ZGPAT: variants seen among roughly 807,000 people sequenced by gnomAD.
The protein encoded by ZGPAT is zinc finger CCCH-type and G-patch domain containing, also known as zinc finger CCCH-type with G patch domain-containing protein.
In ZGPAT, 39 loss-of-function variants were observed where a neutral mutation model predicts 47.9. The observed-to-expected ratio is 0.81, with a 90% confidence interval of 0.63 to 1.06. ZGPAT has a LOEUF of 1.06. Among genes scored for constraint, ZGPAT ranks in the 50% least tolerant of loss-of-function variants. ZGPAT has a pLI of 0.00. For missense variants in ZGPAT, 717 were observed against 681.4 expected (o/e 1.05, Z -0.58); for synonymous variants, 348 against 292.9 (o/e 1.19, Z -1.92).
chr20:63,735,379 T>G lies in ZGPAT; in HGVS notation c.1212T>G (p.Gly404=), dbSNP rs1350075559. The change falls in exon 6 of 7, where the codon GGT becomes GGG. Residue 404 remains glycine (G), a synonymous_variant. Coordinates refer to ENST00000355969, the MANE Select transcript of ZGPAT (RefSeq NM_181485.3). The part of the protein sequence containing the change: ...VFDFLNEKLQ[G]QAPGALEAGA... Reference sequence around the variant, plus strand: ...ACTTCCTCAATGAAAAGCTGCAAGGTCAGGCTCCTGGGGCCCTAGAAGCCG... The same window carrying G: ...ACTTCCTCAATGAAAAGCTGCAAGGGCAGGCTCCTGGGGCCCTAGAAGCCG... 6.4e-7 allele frequency: 1 copy of G among 1,553,438 alleles called. No individual in the cohort carries two copies. The highest frequency in any genetic ancestry group is 8.7e-7 in the Non-Finnish European group (1 of 1,152,318).
Position 63,735,914 on chromosome 20 carries a change from T to G in ZGPAT, c.1531T>G (p.Phe511Val). ...KADTHKKMTE[F>V] ...AGACACCCACAAGAAGATGACTGAG[T>G]TCTAGAGACCCCACAAGCACTATGG... is the stretch of plus-strand genomic sequence containing the variant. Residue 511 changes from phenylalanine (F) to valine (V), a missense_variant, in exon 7 of 7, where the codon TTC (phenylalanine) becomes GTC (valine). Physicochemically the swap from Phe to Val is conservative, Grantham distance 50. Transcript: ENST00000355969. 2 of 1,611,680 alleles carry G rather than the reference T, an allele frequency of 1.2e-6. No individual in the cohort carries two copies. Among genetic ancestry groups the G allele is most frequent in the Non-Finnish European group, 1.7e-6 (2 of 1,179,278 alleles).
At chr20:63,714,147 CG>C (rs562579849) in intron 2 of ZGPAT, among the ~76,000 whole-genome samples, 2 of 151,682 alleles carry the variant, frequency 1.3e-5, no homozygotes, top group South Asian at 4.2e-4. Flanking sequence ...TAGAGCGGGC[CG>C]GGGGTGGTGG....
At chr20:63,727,059 A>G (rs925854077) in intron 2 of ZGPAT, among the ~76,000 whole-genome samples, 2 of 152,040 alleles carry the variant, frequency 1.3e-5, no homozygotes, top group African/African-American at 2.4e-5. Context: ...TGTACATTCT[A>G]TGGACTTTGA....
At chr20:63,721,835 G>A (rs2091790947) in intron 2 of ZGPAT, among the ~76,000 whole-genome samples, 1 of 152,076 alleles carries the variant, frequency 6.6e-6, no homozygotes, top group African/African-American at 2.4e-5. Context: ...GGCCAACATG[G>A]TGAAGCCCCG....
intron 2 of ZGPAT, among the ~76,000 whole-genome samples, chr20:63,714,482 CTTAGGTGGAAAACTTTTTTGTTCCTGATA>C (rs2091705707): frequency 3.4e-5 from 5 of 148,342 alleles, no homozygotes; most frequent in Admixed American, 3.4e-4. Context: ...TGTTCCTGAT[CTTAGGTGGAAAACTTTTTTGTTCCTGATA>C]TTAGGTGGAA....
chr20:63,712,152 CTT>C (rs1354223438), intron 2 of ZGPAT, among the ~76,000 whole-genome samples: 1 of 152,132 alleles, frequency 6.6e-6, no homozygotes, highest in Non-Finnish European at 1.5e-5. Flanking sequence ...AAATTTAGGT[CTT>C]TGATCCATTT....
chr20:63,716,279 C>T (rs1054189927), intron 2 of ZGPAT, among the ~76,000 whole-genome samples: 2 of 152,186 alleles, frequency 1.3e-5, no homozygotes, highest in Admixed American at 6.5e-5. Flanking sequence ...ATCCACCCGC[C>T]TCGGCCTCAC....
In ZGPAT at chr20:63,735,547, C is replaced by T. The variant is rs1418361007; in HGVS notation, c.1380C>T (p.Leu460=). The change falls in exon 6 of 7, where the codon CTC becomes CTT. Residue 460 remains leucine, a synonymous_variant. Coordinates refer to ENST00000355969, the MANE Select transcript of ZGPAT (RefSeq NM_181485.3). The part of the protein sequence containing the change: ...QRDIRSIQEA[L]ARNAGRHSVA... ...ACATCAGGAGCATCCAGGAGGCTCT[C>T]GCCCGCAACGCTGGCCGGTACGTGT... The T allele has an allele frequency of 8.6e-6, 13 of 1,515,164 alleles. No individual in the cohort carries two copies. The highest frequency in any genetic ancestry group is 1.4e-5 in the African/African-American group (1 of 71,670). 93.9% of individuals were successfully genotyped at this position (1,515,164 alleles called of 1,614,324 possible).
chr20:63,709,232 G>C, intron 2 of ZGPAT, 68 bp downstream of exon 2: 3 of 1,555,720 alleles, frequency 1.9e-6, no homozygotes, highest in Non-Finnish European at 1.8e-6. Flanking sequence ...GTCGGGTCAG[G>C]ATCGGCCCTC....
chr20:63,717,667 C>T (rs2091744989), intron 2 of ZGPAT, among the ~76,000 whole-genome samples: 2 of 152,130 alleles, frequency 1.3e-5, no homozygotes, highest in South Asian at 4.1e-4. Context: ...AGCTCCTGGA[C>T]TCAATCAGTC....
Position 63,733,312 on chromosome 20 carries a change from C to T in ZGPAT, c.678C>T (p.Ala226=). 6.2e-7 allele frequency: 1 copy of T among 1,613,300 alleles called. No homozygotes were observed. Among genetic ancestry groups the T allele is most frequent in the Non-Finnish European group, 8.5e-7 (1 of 1,179,930 alleles). The change falls in exon 3 of 7, where the codon GCC becomes GCT. Residue 226 remains alanine, a synonymous_variant. Transcript: ENST00000355969. ...TGCAGGCCGGCTCTGCGTGTCTGGC[C>T]AAGCACCAGGATGGCCTCTGGCACG... is the stretch of plus-strand genomic sequence containing the variant. The part of the protein sequence containing the change: ...SSLQAGSACL[A]KHQDGLWHAA...
chr20:63,721,992 GAC>G (rs1194947284), intron 2 of ZGPAT, among the ~76,000 whole-genome samples: 2 of 144,202 alleles, frequency 1.4e-5, no homozygotes, highest in Non-Finnish European at 1.5e-5. Context: ...CAGCCTGGGC[GAC>G]AGAGTGAGAC....
intron 2 of ZGPAT, among the ~76,000 whole-genome samples, chr20:63,717,104 A>G (rs749658263): frequency 4.6e-5 from 7 of 152,206 alleles, no homozygotes; most frequent in Admixed American, 1.3e-4. Context: ...GGCATGAGCC[A>G]CCACGCATGG....
At chr20:63,712,973 C>T (rs1036596493) in intron 2 of ZGPAT, among the ~76,000 whole-genome samples, 1 of 152,120 alleles carries the variant, frequency 6.6e-6, no homozygotes, top group African/African-American at 2.4e-5. Context: ...CATTTATTTA[C>T]GTCTTTAATT....
intron 4 of ZGPAT, 193 bp downstream of exon 4, chr20:63,733,932 G>A (rs1379267442): frequency 7.4e-6 from 5 of 672,062 alleles, no homozygotes; most frequent in Admixed American, 6.2e-5. Flanking sequence ...AAGGAGTGTG[G>A]GTGCAACAGC....
At chr20:63,734,887 C>A in intron 5 of ZGPAT, 63 bp downstream of exon 5, 1 of 1,503,944 alleles carries the variant, frequency 6.6e-7, no homozygotes, top group South Asian at 1.4e-5. Context: ...GTCCAGCAGC[C>A]ATCAGGTTCC....
intron 2 of ZGPAT, among the ~76,000 whole-genome samples, chr20:63,721,740 G>T (rs1225608395): frequency 6.6e-6 from 1 of 152,164 alleles, no homozygotes; most frequent in Non-Finnish European, 1.5e-5. Context: ...TTCAGGCCAG[G>T]CGCGGTGGCT....
At position 63,732,561 on chromosome 20, in the gene ZGPAT, CTG is replaced by C. The variant is rs532116289; in HGVS notation, c.585-656_585-655del. Among the ~76,000 whole-genome samples, 631 of 152,068 alleles carry C rather than the reference CTG, an allele frequency of 4.1e-3. 5 individuals are homozygous for C. Among genetic ancestry groups the C allele is most frequent in the African/African-American group, 0.014 (575 of 41,438 alleles). On this transcript the variant is annotated intron_variant, in intron 2 of 6. Transcript: ENST00000355969. Reference sequence around the variant, plus strand: ...TGCGTATATCCATGTATGACTGCATCTGTATTTGCATGAGTTCATGTGTGAGT... The same window carrying C: ...TGCGTATATCCATGTATGACTGCATCTATTTGCATGAGTTCATGTGTGAGT...
In ZGPAT at chr20:63,735,852, C is replaced by T. The variant is rs2091984896; in HGVS notation, c.1469C>T (p.Ala490Val). ...CAGCGCCAGCTGGGGCAGCTCCGGGCTCAGGAAGCCGGCCTGCAGCAGGAG... is the reference window on the plus strand; with the variant it reads ...CAGCGCCAGCTGGGGCAGCTCCGGGTTCAGGAAGCCGGCCTGCAGCAGGAG... ...GAQRQLGQLR[A>V]QEAGLQQEQR... The change falls in exon 7 of 7, where the codon GCT becomes GTT. Residue 490 changes from alanine to valine, a missense_variant. Physicochemically the swap from Ala to Val is moderately conservative, Grantham distance 64 (BLOSUM62 0). Coordinates refer to ENST00000355969, the MANE Select transcript of ZGPAT (RefSeq NM_181485.3). 3.1e-6 allele frequency: 5 copies of T among 1,612,694 alleles called. No individual in the cohort carries two copies. The highest frequency in any genetic ancestry group is 4.2e-6 in the Non-Finnish European group (5 of 1,179,898).
Sources: gnomAD v4.1 joint callset for allele counts (sites outside exome capture counted in the v4.1 genomes callset) on GRCh38, gnomAD v4.1.1 for gene constraint, MANE v1.5 for transcripts, NCBI Gene and HGNC (gene_info 2026-07-23, HGNC 2026-07-21) for gene names.